HTT: variants seen among roughly 807,000 people sequenced by gnomAD.
The protein encoded by HTT is huntington disease protein.
Under a neutral mutation model 362.3 loss-of-function variants are expected in HTT, and 104 were observed. The ratio of observed to expected loss-of-function variants is 0.29; its 90% CI spans 0.24 to 0.34. HTT has a LOEUF of 0.34. Among genes scored for constraint, HTT ranks in the 10% least tolerant of loss-of-function variants. The probability of loss-of-function intolerance (pLI) is 1.00; values close to 1 mark genes in which losing one functional copy is unlikely to be tolerated. For synonymous variants in HTT, 1,577 were observed against 1,548.7 expected (o/e 1.02, Z -0.43); for missense variants, 3,301 against 3,928.6 (o/e 0.84, Z 4.27).
Position 3,120,964 on chromosome 4 carries a change from A to G in HTT, c.1069-264A>G, listed in dbSNP as rs35409391. ...CTTTCCTAGTCACCAGTTTTGGGAA[A>G]TAGAGATCTTCATTCTCATGCTGCT... On this transcript the variant is annotated intron_variant, in intron 8 of 66. Transcript: ENST00000355072. Among the ~76,000 whole-genome samples the G allele has an allele frequency of 1.8e-3, 281 of 152,296 alleles. 1 individual carries two copies. Among genetic ancestry groups the G allele is most frequent in the Non-Finnish European group, 2.9e-3 (196 of 68,022 alleles).
intron 26 of HTT, among the ~76,000 whole-genome samples, chr4:3,151,917 T>G (rs1176133698): frequency 1.3e-5 from 2 of 152,098 alleles, no homozygotes; most frequent in African/African-American, 2.4e-5. Flanking sequence ...GGAAACAGCA[T>G]TTTTTAAAAA....
At position 3,175,082 on chromosome 4, in the gene HTT, A is replaced by G. The variant is rs1718178251; in HGVS notation, c.4382A>G (p.Asn1461Ser). The G allele has an allele frequency of 6.2e-7, 1 of 1,613,588 alleles. No homozygotes were observed. Among genetic ancestry groups the G allele is most frequent in the Non-Finnish European group, 8.5e-7 (1 of 1,179,928 alleles). Residue 1461 changes from asparagine (N) to serine (S), a missense_variant, in exon 33 of 67, where the codon AAT becomes AGT. Asn to Ser is a conservative substitution (Grantham distance 46, BLOSUM62 1). This residue lies in a region of HTT where 2,316 missense variants were observed against 2,658.5 expected (regional missense o/e 0.87). Coordinates refer to ENST00000355072, the MANE Select transcript of HTT (RefSeq NM_001388492.1). ...LLAQLVQLRV[N>S]YCLLDSDQVF... Reference sequence around the variant, plus strand: ...GCGCAGCTGGTTCAGTTACGGGTTAATTACTGTCTTCTGGATTCAGATCAG... The same window carrying G: ...GCGCAGCTGGTTCAGTTACGGGTTAGTTACTGTCTTCTGGATTCAGATCAG...
In HTT at chr4:3,233,351, C is replaced by G. The variant is rs753446427; in HGVS notation, c.8454C>G (p.Ala2818=). The G allele has an allele frequency of 1.9e-6, 3 of 1,594,284 alleles. No homozygotes were observed. The highest frequency in any genetic ancestry group is 2.7e-5 in the African/African-American group (2 of 74,656). Residue 2818 remains alanine (A), a splice_region_variant and synonymous_variant, in exon 61 of 67, where the codon GCC becomes GCG. Coordinates refer to ENST00000355072, the MANE Select transcript of HTT (RefSeq NM_001388492.1). ...TCCTCTCCAACCTGAAAGGGATCGC[C>G]CAGTGAGTGGGAGCCTGGCTGGGGC... ...DYLLSNLKGI[A]HCVNIHSQQH... is the part of the protein sequence containing the mutation.
chr4:3,077,335 C>G (rs552507321), intron 1 of HTT, among the ~76,000 whole-genome samples: 16 of 152,214 alleles, frequency 1.1e-4, no homozygotes, highest in Non-Finnish European at 1.9e-4. Context: ...TATTTCAGTT[C>G]CTCATGTATC....
In HTT at chr4:3,232,146, G is replaced by A. The variant is rs1252858540; in HGVS notation, c.8266-1017G>A. Among the ~76,000 whole-genome samples, 8 of 152,182 alleles carry A rather than the reference G, an allele frequency of 5.3e-5. 1 individual carries two copies. In the East Asian group the frequency reaches 9.6e-4, roughly 18 times the overall value. ...AGTCCTTAGGGAGGGGCCGTGTGGC[G>A]TTGTGCGTGTGAGGGGATAGCACAG... On this transcript the variant is annotated intron_variant, in intron 60 of 66. Coordinates refer to ENST00000355072, the MANE Select transcript of HTT (RefSeq NM_001388492.1).
intron 40 of HTT, among the ~76,000 whole-genome samples, chr4:3,193,211 A>G (rs1251280397): frequency 6.6e-6 from 1 of 152,258 alleles, no homozygotes; most frequent in African/African-American, 2.4e-5. Flanking sequence ...CACCCTCCGC[A>G]CAGGCCATGG....
At position 3,180,532 on chromosome 4, in the gene HTT, C is replaced by T; in HGVS notation, c.4630C>T (p.Pro1544Ser). 2 of 1,607,474 alleles carry T rather than the reference C, an allele frequency of 1.2e-6. No individual in the cohort carries two copies. Among genetic ancestry groups the T allele is most frequent in the Non-Finnish European group, 1.7e-6 (2 of 1,176,960 alleles). The change falls in exon 36 of 67, where the codon CCC (proline) becomes TCC (serine). Residue 1544 changes from proline (P) to serine (S), a missense_variant. Physicochemically the swap from Pro to Ser is moderately conservative, Grantham distance 74 (BLOSUM62 -1). Transcript: ENST00000355072. Reference protein sequence around the residue: ...AVTHAIPALQPIVHDLFVLRG... With the variant: ...AVTHAIPALQSIVHDLFVLRG... ...CCCCACAGCCATACCGGCTCTGCAGCCCATAGTCCACGACCTCTTTGTATT... is the reference window on the plus strand; with the variant it reads ...CCCCACAGCCATACCGGCTCTGCAGTCCATAGTCCACGACCTCTTTGTATT...
Position 3,225,707 on chromosome 4 carries a change from G to A in HTT, c.7812G>A (p.Glu2604=), listed in dbSNP as rs778219960. The part of the protein sequence containing the change: ...HEKLLLQINP[E]RELGSMSYKL... ...AGCTGCTGCTACAGATCAACCCCGAGCGGGAGCTGGGGAGCATGAGCTACA... is the reference window on the plus strand; with the variant it reads ...AGCTGCTGCTACAGATCAACCCCGAACGGGAGCTGGGGAGCATGAGCTACA... Residue 2604 remains glutamate, a synonymous_variant, in exon 57 of 67, where the codon GAG becomes GAA. Coordinates refer to ENST00000355072, the MANE Select transcript of HTT (RefSeq NM_001388492.1). 5 of 1,614,170 alleles carry A rather than the reference G, an allele frequency of 3.1e-6. No individual in the cohort carries two copies. The highest frequency in any genetic ancestry group is 3.3e-5 in the Admixed American group (2 of 60,032).
In HTT at chr4:3,104,296, G is replaced by T. The variant is rs554306202; in HGVS notation, c.528+413G>T. ...TTACAGGCGTGAGCCACTGTGCCGG[G>T]CCTGATTGTACATTTTAAAATAACT... On this transcript the variant is annotated intron_variant, in intron 4 of 66. Coordinates refer to ENST00000355072, the MANE Select transcript of HTT (RefSeq NM_001388492.1). Among the ~76,000 whole-genome samples, 13 of 152,006 alleles carry T rather than the reference G, an allele frequency of 8.6e-5. No individual in the cohort carries two copies. In the East Asian group the frequency reaches 2.2e-3, roughly 25 times the overall value.
chr4:3,147,838 G>A (rs1716681720), intron 25 of HTT, among the ~76,000 whole-genome samples, 167 bp from the exon 26 acceptor site: 1 of 152,222 alleles, frequency 6.6e-6, no homozygotes, highest in Non-Finnish European at 1.5e-5. Flanking sequence ...ACACAGATTT[G>A]TGCGGGAAAC....
At chr4:3,099,913 C>T (rs1346087723) in intron 3 of HTT, among the ~76,000 whole-genome samples, 1 of 150,942 alleles carries the variant, frequency 6.6e-6, no homozygotes, top group East Asian at 1.9e-4. Flanking sequence ...TTTGGAGGTG[C>T]TCTGTTGTAT....
At chr4:3,214,326 T>A (rs1012349270) in intron 50 of HTT, among the ~76,000 whole-genome samples, 191 bp downstream of exon 50, 4 of 152,244 alleles carry the variant, frequency 2.6e-5, no homozygotes, top group Non-Finnish European at 5.9e-5. Context: ...CACTGGAATT[T>A]AACTGGAATT....
At chr4:3,121,459 A>G (rs769844902) in intron 9 of HTT, 27 bp downstream of exon 9, 3 of 1,524,188 alleles carry the variant, frequency 2.0e-6, no homozygotes, top group South Asian at 2.3e-5. Flanking sequence ...GTCTACTCTT[A>G]CAATTAACTT....
At chr4:3,131,899 C>A in intron 16 of HTT, 124 bp downstream of exon 16, 1 of 853,358 alleles carries the variant, frequency 1.2e-6, no homozygotes. Flanking sequence ...ATTTGACCTG[C>A]GTTGTAGCTC....
Position 3,142,767 on chromosome 4 carries a change from A to G in HTT, c.2947A>G (p.Ile983Val). ...SHFSVSTITRIYRGYNLLPSI... is the reference protein window; with the variant it reads ...SHFSVSTITRVYRGYNLLPSI... ...AAGTCTCTATATTTTTGTTATTAGA[A>G]TATATAGAGGCTATAACCTACTACC... is the stretch of plus-strand genomic sequence containing the variant. Residue 983 changes from isoleucine to valine, a missense_variant and splice_region_variant, in exon 23 of 67, where the codon ATA becomes GTA. This residue lies in a region of HTT where 2,316 missense variants were observed against 2,658.5 expected (regional missense o/e 0.87). Coordinates refer to ENST00000355072, the MANE Select transcript of HTT (RefSeq NM_001388492.1). 1 of 1,465,464 alleles carries G rather than the reference A, an allele frequency of 6.8e-7. No individual in the cohort carries two copies. Among genetic ancestry groups the G allele is most frequent in the Non-Finnish European group, 9.5e-7 (1 of 1,047,354 alleles). The allele number at this position is 1,465,464 out of a possible 1,614,324, so 90.8% of individuals were successfully genotyped here. A position where few individuals can be genotyped will look rare whatever the true frequency, so the allele number is the denominator to read the frequency against.
rs773923545 is a variant in HTT, at chr4:3,189,126, C to T, written c.5368+33C>T. ...AATCACATTAGTCTTCCTGGAGTGT[C>T]TCGTTCCCCATTCTGCACTATACAC... On this transcript the variant is annotated intron_variant, in intron 40 of 66. Coordinates refer to ENST00000355072, the MANE Select transcript of HTT (RefSeq NM_001388492.1). 8 of 1,608,506 alleles carry T rather than the reference C, an allele frequency of 5.0e-6. No individual in the cohort carries two copies. The African/African-American group carries it at 9.4e-5, about 19-fold the overall frequency.
chr4:3,221,617 C>G (rs1720676196), intron 53 of HTT, among the ~76,000 whole-genome samples: 1 of 152,216 alleles, frequency 6.6e-6, no homozygotes, highest in East Asian at 1.9e-4. Flanking sequence ...GTCCATTGCT[C>G]TAGTTCTCCT....
chr4:3,140,260 CAAAAAAAA>C (rs754479930), intron 21 of HTT, among the ~76,000 whole-genome samples: 2 of 83,090 alleles, frequency 2.4e-5, no homozygotes, highest in African/African-American at 4.4e-5. Flanking sequence ...CATTCTGTCT[CAAAAAAAA>C]AAAAAAAAGA....
chr4:3,197,913 T>C (rs1719331026), intron 40 of HTT, among the ~76,000 whole-genome samples: 1 of 152,192 alleles, frequency 6.6e-6, no homozygotes, highest in South Asian at 2.1e-4. Flanking sequence ...TGCATGCCTC[T>C]TCACTCAGGG....
Sources: allele counts gnomAD v4.1 joint callset (sites outside exome capture counted in the v4.1 genomes callset), GRCh38; gene constraint gnomAD v4.1.1; regional missense constraint gnomAD v4.1.1; transcripts MANE v1.5; gene names NCBI Gene and HGNC (gene_info 2026-07-23, HGNC 2026-07-21).